The following EVPL variants were observed in gnomAD, a reference collection of about 807,000 sequenced individuals.
EVPL encodes the protein 210 kDa cornified envelope precursor protein.
A neutral mutation model predicts 129.7 loss-of-function variants in EVPL; 94 were observed. The observed-to-expected ratio is 0.72, with a 90% CI of 0.61 to 0.86. The LOEUF (loss-of-function observed/expected upper bound fraction) is 0.86. Among genes scored for constraint, EVPL ranks in the 40% least tolerant of loss-of-function variants. EVPL has a pLI of 0.00. For synonymous variants in EVPL, 1,172 were observed against 1,191.1 expected (o/e 0.98, Z 0.33); for missense variants, 2,625 against 2,721.1 (o/e 0.96, Z 0.79).
At position 76,022,690 on chromosome 17, in the gene EVPL, C is replaced by T; in HGVS notation, c.481-152G>A. 2 of 1,088,492 alleles carry T rather than the reference C, an allele frequency of 1.8e-6. No individual in the cohort carries two copies. The highest frequency in any genetic ancestry group is 2.6e-6 in the Non-Finnish European group (2 of 781,570). 67.4% of individuals were successfully genotyped at this position (1,088,492 alleles called of 1,614,324 possible). On this transcript the variant is annotated intron_variant, in intron 4 of 21. Coordinates refer to ENST00000301607, the MANE Select transcript of EVPL (RefSeq NM_001988.4). This position sits in a 1 kb window ranked among gnomAD's most constrained non-coding sequence, Gnocchi z 5.6. ...CCGGGTGCATGCCCTGCAGCTCCCC[C>T]AGGGGCGAGGCCATTCTGCAGTGGC...
In EVPL at chr17:76,007,201, T is replaced by G; in HGVS notation, c.6004A>C (p.Lys2002Gln). The G allele has an allele frequency of 6.5e-7, 1 of 1,542,476 alleles. No homozygotes were observed. Among genetic ancestry groups the G allele is most frequent in the Non-Finnish European group, 8.8e-7 (1 of 1,142,246 alleles). Residue 2002 changes from lysine to glutamine, a missense_variant, in exon 22 of 22, where the codon AAA becomes CAA. Lys to Gln is a moderately conservative substitution (Grantham distance 53). Coordinates refer to ENST00000301607, the MANE Select transcript of EVPL (RefSeq NM_001988.4). The surrounding 1 kb of genome is among the most constrained non-coding windows in gnomAD (Gnocchi z 8.8). ...AGCAGCAGGCCGCTCAGGGGGTCTT[T>G]GCGGCAGCGGCCCATGGCCTCCTTG... ...SYKEAMGRCR[K>Q]DPLSGLLLLP...
At chr17:76,025,786 G>A (rs574616559) in intron 1 of EVPL, among the ~76,000 whole-genome samples, 7 of 152,358 alleles carry the variant, frequency 4.6e-5, no homozygotes, top group Non-Finnish European at 7.3e-5. Flanking sequence ...GGACCCAGGC[G>A]GGCTGCTGCC....
At position 76,007,460 on chromosome 17, in the gene EVPL, G is replaced by T; in HGVS notation, c.5745C>A (p.Leu1915=). The change falls in exon 22 of 22, where the codon CTC becomes CTA. Residue 1915 remains leucine (L), a synonymous_variant. Transcript: ENST00000301607. This position sits in a 1 kb window ranked among gnomAD's most constrained non-coding sequence, Gnocchi z 8.8. ...GIEDPVTKKR[L]SVGEAVQKGW... ...CCTTCTGGACGGCCTCGCCCACCGA[G>T]AGCCTCTTCTTGGTGACGGGGTCCT... 1 of 1,609,426 alleles carries T rather than the reference G, an allele frequency of 6.2e-7. No individual in the cohort carries two copies.
rs762541429 is a variant in EVPL, at chr17:76,015,621, G to A, written c.1718C>T (p.Ala573Val). Reference sequence around the variant, plus strand: ...CGTTCCCAGGCTCTGCAGGCGCTGGGCTGTGCCCTAAAGAGGGGCGGGGTC... The same window carrying A: ...CGTTCCCAGGCTCTGCAGGCGCTGGACTGTGCCCTAAAGAGGGGCGGGGTC... ...EGRIHSHEGT[A>V]QRLQSLGTEK... The change falls in exon 15 of 22, where the codon GCC (alanine) becomes GTC (valine). Residue 573 changes from alanine to valine, a missense_variant. Ala to Val is a moderately conservative substitution (Grantham distance 64, BLOSUM62 0). Coordinates refer to ENST00000301607, the MANE Select transcript of EVPL (RefSeq NM_001988.4). 1 of 1,612,550 alleles carries A rather than the reference G, an allele frequency of 6.2e-7. No homozygotes were observed.
chr17:76,009,974 T>C lies in EVPL; in HGVS notation c.3231A>G (p.Lys1077=). Residue 1077 remains lysine (K), a synonymous_variant, in exon 22 of 22, where the codon AAA becomes AAG. Transcript: ENST00000301607. The surrounding 1 kb of genome is among the most constrained non-coding windows in gnomAD (Gnocchi z 5.9). The part of the protein sequence containing the change: ...EVDVKEKVVV[K]EVVKVEKNLE... Reference sequence around the variant, plus strand: ...GATTCTTCTCCACCTTGACTACCTCTTTCACCACGACCTTCTCCTTCACGT... The same window carrying C: ...GATTCTTCTCCACCTTGACTACCTCCTTCACCACGACCTTCTCCTTCACGT... 2 of 1,613,966 alleles carry C rather than the reference T, an allele frequency of 1.2e-6. No homozygotes were observed. Among genetic ancestry groups the C allele is most frequent in the Non-Finnish European group, 8.5e-7 (1 of 1,180,022 alleles).
Position 76,006,946 on chromosome 17 carries a change from TA to T in EVPL, c.*156del. On this transcript the variant is annotated 3_prime_UTR_variant, in exon 22 of 22. Coordinates refer to ENST00000301607, the MANE Select transcript of EVPL (RefSeq NM_001988.4). ...CTGGGGATGGATCAGGCACCAAGGT[TA>T]GGGGAGGGAGCCCATCACCATGTTA... 1 of 825,054 alleles carries T rather than the reference TA, an allele frequency of 1.2e-6. No individual in the cohort carries two copies. 51.1% of individuals were successfully genotyped at this position (825,054 alleles called of 1,614,324 possible). A position where few individuals can be genotyped will look rare whatever the true frequency, so the allele number is the denominator to read the frequency against.
At position 76,026,949 on chromosome 17, in the gene EVPL, A is replaced by G. The variant is rs546731435; in HGVS notation, c.98+152T>C. ...GGCTCCCAAGGCAGGGAGAGAGTCC[A>G]TCCCTGGGCCCTTTGGCCTCAGGAC... On this transcript the variant is annotated intron_variant, in intron 1 of 21. Transcript: ENST00000301607. 4 of 549,108 alleles carry G rather than the reference A, an allele frequency of 7.3e-6. No individual in the cohort carries two copies. In the South Asian group the frequency reaches 7.9e-5, roughly 11 times the overall value. 34.0% of individuals were successfully genotyped at this position (549,108 alleles called of 1,614,324 possible). A position where few individuals can be genotyped will look rare whatever the true frequency, so the allele number is the denominator to read the frequency against.
rs2062290552 is a variant in EVPL at position 76,022,118 on chromosome 17, C to G, written c.645+71G>C. ...ATTGGGCCGCGCTCAGGAACACTGG[C>G]CCCGGGCAGGGTCCGGGCGGCCACC... On this transcript the variant is annotated intron_variant, in intron 6 of 21. Transcript: ENST00000301607. The surrounding 1 kb of genome is among the most constrained non-coding windows in gnomAD (Gnocchi z 5.6). The G allele has an allele frequency of 6.3e-7, 1 of 1,595,418 alleles. No homozygotes were observed. The highest frequency in any genetic ancestry group is 1.8e-5 in the Admixed American group (1 of 56,742).
Position 76,013,031 on chromosome 17 carries a change from A to G in EVPL, c.2374-942T>C, listed in dbSNP as rs1364686439. Reference sequence around the variant, plus strand: ...AGTGCTGGGATTACAGGCGTGAGCCACCGCGCCCGGCCTGAGAATTCATAT... The same window carrying G: ...AGTGCTGGGATTACAGGCGTGAGCCGCCGCGCCCGGCCTGAGAATTCATAT... On this transcript the variant is annotated intron_variant, in intron 18 of 21. Transcript: ENST00000301607. This position sits in a 1 kb window ranked among gnomAD's most constrained non-coding sequence, Gnocchi z 4.3. Among the ~76,000 whole-genome samples the G allele has an allele frequency of 6.6e-6, 1 of 152,158 alleles. No homozygotes were observed. The highest frequency in any genetic ancestry group is 6.5e-5 in the Admixed American group (1 of 15,282).
In EVPL at chr17:76,024,205, A is replaced by T; in HGVS notation, c.99-85T>A. On this transcript the variant is annotated intron_variant, in intron 1 of 21. Transcript: ENST00000301607. The surrounding 1 kb of genome is among the most constrained non-coding windows in gnomAD (Gnocchi z 4.5). ...AGGTGGCATCCCCTGCCCTCCCTCC[A>T]CCCCATCCTGCCCCCACAGCCTAGC... 7.8e-7 allele frequency: 1 copy of T among 1,279,194 alleles called. No homozygotes were observed. Among genetic ancestry groups the T allele is most frequent in the African/African-American group, 1.5e-5 (1 of 67,394 alleles). 79.2% of individuals were successfully genotyped at this position (1,279,194 alleles called of 1,614,324 possible).
At chr17:76,018,762 T>C in intron 11 of EVPL, 152 bp downstream of exon 11, 2 of 1,180,682 alleles carry the variant, frequency 1.7e-6, no homozygotes, top group South Asian at 3.3e-5. Flanking sequence ...GGACAGGACT[T>C]GGAGAGAGGA....
rs138147066 is a variant in EVPL at position 76,009,818 on chromosome 17, C to A, written c.3387G>T (p.Ser1129=). 1.1e-5 allele frequency: 18 copies of A among 1,613,974 alleles called. No homozygotes were observed. Among genetic ancestry groups the A allele is most frequent in the Non-Finnish European group, 5.1e-6 (6 of 1,180,012 alleles). ...CCTTCACGATGACCTTGGGCTCCAC[C>A]GAGCTGATAGCCCGCTCCAGGTCTT... The part of the protein sequence containing the change: ...RIEDLERAIS[S]VEPKVIVKEV... The change falls in exon 22 of 22, where the codon TCG becomes TCT. Residue 1129 remains serine (S), a synonymous_variant. Transcript: ENST00000301607. This position sits in a 1 kb window ranked among gnomAD's most constrained non-coding sequence, Gnocchi z 5.9.
chr17:76,017,764 A>G lies in EVPL; in HGVS notation c.1685T>C (p.Leu562Ser). 1 of 1,612,726 alleles carries G rather than the reference A, an allele frequency of 6.2e-7. No individual in the cohort carries two copies. The highest frequency in any genetic ancestry group is 8.5e-7 in the Non-Finnish European group (1 of 1,179,908). ...CTCATGGCTGTGGATGCGGCCCTCC[A>G]AGTCCTCCAAGGGTGTGGGGCGGCT... ...PLSRPTPLED[L>S]EGRIHSHEGT... The change falls in exon 14 of 22, where the codon TTG (leucine) becomes TCG (serine). Residue 562 changes from leucine (L) to serine (S), a missense_variant. Around this residue, in one of 4 missense-constraint regions of EVPL, gnomAD observed 1,024 missense variants for 997.5 expected, o/e 1.03. Transcript: ENST00000301607.
Position 76,008,353 on chromosome 17 carries a change from T to C in EVPL, c.4852A>G (p.Lys1618Glu), listed in dbSNP as rs936809047. The C allele has an allele frequency of 2.5e-6, 4 of 1,603,564 alleles. No homozygotes were observed. The highest frequency in any genetic ancestry group is 2.5e-6 in the Non-Finnish European group (3 of 1,179,510). ...CTCTCCGTCTTCTGGCTGAGCAGCT[T>C]CGACTCCTCCTGCAGCTGCAGTGTC... ...QQTLQLQEES[K>E]LLSQKTESER... Residue 1618 changes from lysine to glutamate, a missense_variant, in exon 22 of 22, where the codon AAG (lysine) becomes GAG (glutamate). Lys to Glu is a moderately conservative substitution (Grantham distance 56). This residue lies in a region of EVPL where 1,453 missense variants were observed against 1,511.8 expected (regional missense o/e 0.96). Coordinates refer to ENST00000301607, the MANE Select transcript of EVPL (RefSeq NM_001988.4). This position sits in a 1 kb window ranked among gnomAD's most constrained non-coding sequence, Gnocchi z 7.4.
chr17:76,022,253 G>A lies in EVPL; in HGVS notation c.607-26C>T. Reference sequence around the variant, plus strand: ...CTGCCTCGACCAAGGGGAGAAACAAGCCCGTGAGAGGTGGGGTGCAGGGAG... The same window carrying A: ...CTGCCTCGACCAAGGGGAGAAACAAACCCGTGAGAGGTGGGGTGCAGGGAG... On this transcript the variant is annotated intron_variant, in intron 5 of 21. Coordinates refer to ENST00000301607, the MANE Select transcript of EVPL (RefSeq NM_001988.4). This position sits in a 1 kb window ranked among gnomAD's most constrained non-coding sequence, Gnocchi z 5.6. The A allele has an allele frequency of 6.2e-7, 1 of 1,612,814 alleles. No homozygotes were observed. The highest frequency in any genetic ancestry group is 8.5e-7 in the Non-Finnish European group (1 of 1,179,712).
In EVPL at chr17:76,019,056, T is replaced by C; in HGVS notation, c.1142A>G (p.Glu381Gly). ...PTELLQQLEAEEKRLAVTERA... is the reference protein window; with the variant it reads ...PTELLQQLEAGEKRLAVTERA... Reference sequence around the variant, plus strand: ...CTCGGTGACGGCCAGCCGTTTTTCCTCTGCCTGCCGGGGGCCCAGGCAGTG... The same window carrying C: ...CTCGGTGACGGCCAGCCGTTTTTCCCCTGCCTGCCGGGGGCCCAGGCAGTG... Residue 381 changes from glutamate (E) to glycine (G), a missense_variant, in exon 11 of 22, where the codon GAG becomes GGG. Physicochemically the swap from Glu to Gly is moderately conservative, Grantham distance 98. Around this residue, in one of 4 missense-constraint regions of EVPL, gnomAD observed 1,024 missense variants for 997.5 expected, o/e 1.03. Transcript: ENST00000301607. 6.4e-7 allele frequency: 1 copy of C among 1,574,032 alleles called. No individual in the cohort carries two copies. The highest frequency in any genetic ancestry group is 2.3e-5 in the East Asian group (1 of 42,764).
intron 18 of EVPL, among the ~76,000 whole-genome samples, chr17:76,012,631 A>G (rs944719532): frequency 6.6e-6 from 1 of 151,612 alleles, no homozygotes; most frequent in African/African-American, 2.4e-5. Flanking sequence ...GCACAGTAGT[A>G]TCTGCGAGCA....
intron 17 of EVPL, 54 bp from the exon 18 acceptor site, chr17:76,014,630 G>A: frequency 1.9e-6 from 3 of 1,583,488 alleles, no homozygotes; most frequent in Non-Finnish European, 2.6e-6. Flanking sequence ...TGGGGACAGG[G>A]GCAGGTGCAC....
At position 76,022,031 on chromosome 17, in the gene EVPL, G is replaced by C; in HGVS notation, c.646-3C>G. 6.4e-7 allele frequency: 1 copy of C among 1,557,856 alleles called. No homozygotes were observed. Among genetic ancestry groups the C allele is most frequent in the Non-Finnish European group, 8.6e-7 (1 of 1,158,598 alleles). Reference sequence around the variant, plus strand: ...TGCCCGCGCCACGACGCCGCCTTCTGTGCTCAGGACCCGCCGCCAGCAGCA... The same window carrying C: ...TGCCCGCGCCACGACGCCGCCTTCTCTGCTCAGGACCCGCCGCCAGCAGCA... On this transcript the variant is annotated splice_polypyrimidine_tract_variant and splice_region_variant and intron_variant, in intron 6 of 21. Transcript: ENST00000301607. This position sits in a 1 kb window ranked among gnomAD's most constrained non-coding sequence, Gnocchi z 5.6.
Sources: gnomAD v4.1 joint callset for allele counts (sites outside exome capture counted in the v4.1 genomes callset) on GRCh38, gnomAD v4.1.1 for gene constraint, gnomAD v4.1.1 regional missense constraint, Gnocchi (gnomAD v3.1) non-coding constraint, MANE v1.5 for transcripts, NCBI Gene and HGNC (gene_info 2026-07-23, HGNC 2026-07-21) for gene names.